Variants in COLEC10 observed in about 807,000 individuals in gnomAD.
COLEC10 encodes collectin subfamily member 10.
A neutral mutation model predicts 28.4 loss-of-function variants in COLEC10; 22 were observed. The observed-to-expected ratio is 0.78, with a 90% confidence interval of 0.55 to 1.11. The LOEUF is 1.11. Ranked by LOEUF, COLEC10 falls within the 50% of genes least tolerant of loss-of-function variation. The pLI is 0.00. For missense variants in COLEC10, 361 were observed against 344.1 expected (o/e 1.05, Z -0.39); for synonymous variants, 125 against 116.1 (o/e 1.08, Z -0.49).
intron 1 of COLEC10, among the ~76,000 whole-genome samples, chr8:119,089,239 C>T (rs1246939473): frequency 6.6e-6 from 1 of 152,164 alleles, no homozygotes; most frequent in East Asian, 1.9e-4. Context: ...CATTCCTAGT[C>T]TCCTATTCTT....
chr8:118,962,259 C>A, the COLEC10 span, among the ~76,000 whole-genome samples: 3 of 152,206 alleles, frequency 2.0e-5, no homozygotes, highest in Non-Finnish European at 4.4e-5. Context: ...ATTCTATAGA[C>A]TATTCCTGTG....
At chr8:119,028,540 C>T (rs1814234559) in intron 2 of COLEC10, among the ~76,000 whole-genome samples, 2 of 152,058 alleles carry the variant, frequency 1.3e-5, no homozygotes, top group Admixed American at 6.6e-5. Context: ...CATCAGATCT[C>T]GTGAGACTTA....
At chr8:119,024,635 G>A (rs2130114850) in intron 2 of COLEC10, among the ~76,000 whole-genome samples, 1 of 152,116 alleles carries the variant, frequency 6.6e-6, no homozygotes, top group African/African-American at 2.4e-5. Flanking sequence ...CTGCCTTTGA[G>A]GGCAGTGGGC....
chr8:119,045,586 A>G (rs1814572965), intron 2 of COLEC10, among the ~76,000 whole-genome samples: 1 of 152,246 alleles, frequency 6.6e-6, no homozygotes, highest in Non-Finnish European at 1.5e-5. Context: ...GAAAACTGAT[A>G]TCTAGGGAAG....
chr8:119,076,130 C>G (rs1370171458), intron 1 of COLEC10, among the ~76,000 whole-genome samples: 2 of 137,916 alleles, frequency 1.5e-5, no homozygotes, highest in Non-Finnish European at 1.5e-5. Flanking sequence ...CCAGGACAGT[C>G]TTGATCTCCT....
At chr8:119,041,031 G>T (rs1814485202) in intron 2 of COLEC10, among the ~76,000 whole-genome samples, 2 of 152,216 alleles carry the variant, frequency 1.3e-5, no homozygotes, top group South Asian at 4.1e-4. Context: ...AATCACAGGG[G>T]ATTTTAGTTA....
intron 2 of COLEC10, among the ~76,000 whole-genome samples, chr8:119,014,893 C>T (rs556904352): frequency 6.0e-5 from 9 of 151,218 alleles, no homozygotes; most frequent in Admixed American, 2.0e-4. Flanking sequence ...TATGTTACAA[C>T]ATTTCATGTT....
At chr8:118,981,706 C>T in the COLEC10 span, among the ~76,000 whole-genome samples, 1 of 152,000 alleles carries the variant, frequency 6.6e-6, no homozygotes, top group Non-Finnish European at 1.5e-5. Context: ...TTTGCTTATC[C>T]TGATGGAATA....
the COLEC10 span, among the ~76,000 whole-genome samples, chr8:118,956,915 C>A: frequency 4.3e-4 from 66 of 152,118 alleles, no homozygotes; most frequent in Admixed American, 1.1e-3. Context: ...GGGAAAGTCC[C>A]CAACTGGAAC....
intron 1 of COLEC10, among the ~76,000 whole-genome samples, chr8:119,077,192 C>T (rs903434631): frequency 6.8e-6 from 1 of 147,206 alleles, no homozygotes; most frequent in South Asian, 2.2e-4. Flanking sequence ...TGACATTTTA[C>T]TTTTCCAATT....
chr8:119,034,040 C>A lies in COLEC10; in HGVS notation n.235+24487C>A, dbSNP rs536328894. ...AGATAAAGAAAATGTGGCACATGTACACAATGGTATACTATCCAGACATAA... is the reference window on the plus strand; with the variant it reads ...AGATAAAGAAAATGTGGCACATGTAAACAATGGTATACTATCCAGACATAA... On this transcript the variant is annotated intron_variant and non_coding_transcript_variant, in intron 2 of 6. Transcript: ENST00000521788. 1.8e-4 allele frequency among the ~76,000 whole-genome samples: 28 copies of A among 152,282 alleles called. No individual in the cohort carries two copies. The South Asian group carries it at 5.8e-3, about 32-fold the overall frequency.
chr8:119,066,935 G>A (rs897071179), upstream of COLEC10, among the ~76,000 whole-genome samples: 2 of 152,172 alleles, frequency 1.3e-5, no homozygotes, highest in Non-Finnish European at 1.5e-5. Flanking sequence ...GAAACTCAGC[G>A]TTTAAATGCA....
At chr8:119,025,407 G>A (rs1398700298) in intron 2 of COLEC10, among the ~76,000 whole-genome samples, 2 of 152,140 alleles carry the variant, frequency 1.3e-5, no homozygotes, top group Non-Finnish European at 2.9e-5. Context: ...AATGGATTCT[G>A]TGCTCTGTGG....
At chr8:118,987,554 A>G in the COLEC10 span, among the ~76,000 whole-genome samples, 1 of 152,154 alleles carries the variant, frequency 6.6e-6, no homozygotes, top group African/African-American at 2.4e-5. Flanking sequence ...ACGGGGTGAT[A>G]ATCTGTCTCA....
upstream of COLEC10, among the ~76,000 whole-genome samples, chr8:119,066,148 G>C (rs962901199): frequency 6.6e-6 from 1 of 152,156 alleles, no homozygotes; most frequent in Non-Finnish European, 1.5e-5. Flanking sequence ...TCTGTATCAG[G>C]ATCTGTAAGG....
chr8:118,979,076 A>G, the COLEC10 span, among the ~76,000 whole-genome samples: 2 of 152,092 alleles, frequency 1.3e-5, no homozygotes, highest in African/African-American at 4.8e-5. Context: ...TTTATATAAA[A>G]TACTCAAATT....
upstream of COLEC10, among the ~76,000 whole-genome samples, chr8:118,993,191 A>G (rs975838237): frequency 3.9e-5 from 6 of 152,142 alleles, no homozygotes; most frequent in Non-Finnish European, 8.8e-5. Flanking sequence ...GGCTTAAACA[A>G]CAGGTATTTA....
At chr8:119,030,778 A>G (rs551036139) in intron 2 of COLEC10, among the ~76,000 whole-genome samples, 5 of 152,234 alleles carry the variant, frequency 3.3e-5, no homozygotes, top group Non-Finnish European at 5.9e-5. Flanking sequence ...CCATAAAACG[A>G]TGATCATGGG....
At chr8:119,007,792 A>C (rs980912269) in intron 1 of COLEC10, among the ~76,000 whole-genome samples, 2 of 150,942 alleles carry the variant, frequency 1.3e-5, no homozygotes, top group Admixed American at 1.3e-4. Flanking sequence ...ACCAGAAATC[A>C]GTTCAAATCC....
Sources: allele counts gnomAD v4.1 joint callset (sites outside exome capture counted in the v4.1 genomes callset), GRCh38; gene constraint gnomAD v4.1.1; transcripts MANE v1.5; gene names NCBI Gene and HGNC (gene_info 2026-07-23, HGNC 2026-07-21).